The following ANKS1B variants were observed in gnomAD, a reference collection of about 807,000 sequenced individuals.
ANKS1B encodes the protein ankyrin repeat and sterile alpha motif domain-containing protein 1B.
Under a neutral mutation model 148.3 loss-of-function variants are expected in ANKS1B, and 36 were observed. The observed-to-expected ratio is 0.24, with a 90% CI of 0.19 to 0.32. ANKS1B has a LOEUF of 0.32. ANKS1B is among the 10% of genes least tolerant of loss of function. The pLI is 1.00. For missense variants in ANKS1B, 1,157 were observed against 1,542.6 expected (o/e 0.75, Z 4.19); for synonymous variants, 542 against 560.8 (o/e 0.97, Z 0.47).
At chr12:99,543,256 C>A (rs1325349218) in intron 9 of ANKS1B, among the ~76,000 whole-genome samples, 1 of 151,968 alleles carries the variant, frequency 6.6e-6, no homozygotes, top group East Asian at 1.9e-4. Context: ...AAATGCAAAT[C>A]AAAACCACAA....
chr12:99,780,697 T>G (rs1490847816), intron 5 of ANKS1B, among the ~76,000 whole-genome samples: 2 of 152,212 alleles, frequency 1.3e-5, no homozygotes, highest in East Asian at 3.8e-4. Flanking sequence ...GTGATTTATA[T>G]TCTCTGTACA....
At chr12:98,925,051 G>A (rs1338685265) in intron 17 of ANKS1B, among the ~76,000 whole-genome samples, 2 of 152,100 alleles carry the variant, frequency 1.3e-5, no homozygotes, top group African/African-American at 4.8e-5. Context: ...ACAAAATATG[G>A]TTCTATTATG....
At chr12:99,935,106 GAGA>G (rs2094726874) in intron 1 of ANKS1B, among the ~76,000 whole-genome samples, 1 of 152,044 alleles carries the variant, frequency 6.6e-6, no homozygotes, top group Admixed American at 6.6e-5. Flanking sequence ...TTAAACGTAA[GAGA>G]TATAAATTAC....
At chr12:99,593,048 C>T (rs961621476) in intron 9 of ANKS1B, among the ~76,000 whole-genome samples, 7 of 152,052 alleles carry the variant, frequency 4.6e-5, no homozygotes, top group Non-Finnish European at 1.0e-4. Flanking sequence ...CTCCAGGTAG[C>T]AGGCTTCAGA....
chr12:99,648,480 T>C (rs2098394466), intron 9 of ANKS1B: 2 of 1,614,158 alleles, frequency 1.2e-6, no homozygotes, highest in African/African-American at 1.3e-5. Context: ...GGTGTGGTCC[T>C]GCCACCCAGA....
chr12:99,935,137 T>C (rs11110138), intron 1 of ANKS1B, among the ~76,000 whole-genome samples: 10,175 of 152,136 alleles, frequency 0.067, 401 homozygotes, highest in Non-Finnish European at 0.081. Context: ...ATTCAAAGGA[T>C]AGAAAGATCC....
chr12:99,482,452 C>G (rs140585572), intron 10 of ANKS1B, among the ~76,000 whole-genome samples: 28 of 152,050 alleles, frequency 1.8e-4, no homozygotes, highest in Non-Finnish European at 4.0e-4. Flanking sequence ...AATTTGAAGT[C>G]TGGTAATGTG....
chr12:99,890,570 GGTGTGTGTGTGTGTGTGTGT>G (rs10603901), intron 1 of ANKS1B, among the ~76,000 whole-genome samples: 16,416 of 138,010 alleles, frequency 0.12, 1,129 homozygotes, highest in Middle Eastern at 0.17. Context: ...TCGCATTCAT[GGTGTGTGTGTGTGTGTGTGT>G]GTGTGTGTGT....
intron 11 of ANKS1B, among the ~76,000 whole-genome samples, chr12:99,401,443 T>A (rs888729164): frequency 6.8e-6 from 1 of 146,524 alleles, no homozygotes; most frequent in Non-Finnish European, 1.5e-5. Flanking sequence ...ATAAATTTTA[T>A]AAAGGTCAAG....
At chr12:98,788,146 T>C (rs1593676915) in intron 22 of ANKS1B, among the ~76,000 whole-genome samples, 1 of 151,660 alleles carries the variant, frequency 6.6e-6, no homozygotes, top group African/African-American at 2.4e-5. Context: ...GGCTCACGCC[T>C]GTAATCCCAG....
chr12:99,840,910 A>ATGCT (rs1487708865), intron 1 of ANKS1B, among the ~76,000 whole-genome samples: 1 of 152,140 alleles, frequency 6.6e-6, no homozygotes, highest in African/African-American at 2.4e-5. Flanking sequence ...ATTTAGTATG[A>ATGCT]TGCTTGCTAC....
intron 8 of ANKS1B, among the ~76,000 whole-genome samples, chr12:99,660,243 G>A (rs1049331053): frequency 2.6e-5 from 4 of 152,042 alleles, no homozygotes; most frequent in Non-Finnish European, 5.9e-5. Flanking sequence ...TTCAGTGGGT[G>A]TACTTCCAGA....
intron 17 of ANKS1B, among the ~76,000 whole-genome samples, chr12:98,934,572 A>C (rs998811788): frequency 3.9e-5 from 6 of 152,148 alleles, no homozygotes; most frequent in Non-Finnish European, 8.8e-5. Context: ...TGAACATTTC[A>C]ATAATATTAG....
intron 16 of ANKS1B, among the ~76,000 whole-genome samples, chr12:99,068,715 G>GAC (rs2045334113): frequency 6.6e-6 from 1 of 151,772 alleles, no homozygotes; most frequent in African/African-American, 2.4e-5. Flanking sequence ...GAGAGAGAGA[G>GAC]AGAGAGAGAC....
intron 17 of ANKS1B, among the ~76,000 whole-genome samples, chr12:98,920,577 C>T (rs1258405350): frequency 2.6e-5 from 4 of 152,166 alleles, no homozygotes; most frequent in Non-Finnish European, 4.4e-5. Flanking sequence ...GACATTTATT[C>T]ACTATCACGA....
chr12:99,713,025 G>T (rs1048045133), intron 8 of ANKS1B, among the ~76,000 whole-genome samples: 10 of 152,246 alleles, frequency 6.6e-5, no homozygotes, highest in African/African-American at 2.2e-4. Context: ...GTCTCTTTCA[G>T]TCCAAGCTGG....
chr12:98,735,850 G>A (rs1414333262), intron 9 of ANKS1B, among the ~76,000 whole-genome samples: 1 of 152,158 alleles, frequency 6.6e-6, no homozygotes, highest in Non-Finnish European at 1.5e-5. Context: ...ATGTACAAGC[G>A]GAGGGGAAGG....
At chr12:99,390,594 A>G (rs1271540442) in intron 12 of ANKS1B, among the ~76,000 whole-genome samples, 1 of 152,242 alleles carries the variant, frequency 6.6e-6, no homozygotes, top group Non-Finnish European at 1.5e-5. Flanking sequence ...AGCATAATAA[A>G]TAGGTATTGG....
intron 12 of ANKS1B, among the ~76,000 whole-genome samples, chr12:99,381,478 C>G (rs1350946184): frequency 6.6e-6 from 1 of 152,016 alleles, no homozygotes; most frequent in Non-Finnish European, 1.5e-5. Context: ...TAGGAAGAGA[C>G]CAAGGTGGAG....
Sources: gnomAD v4.1 joint callset for allele counts (sites outside exome capture counted in the v4.1 genomes callset) on GRCh38, gnomAD v4.1.1 for gene constraint, MANE v1.5 for transcripts, NCBI Gene and HGNC (gene_info 2026-07-23, HGNC 2026-07-21) for gene names.